The following ZFAND3 variants were observed in gnomAD, a reference collection of about 807,000 sequenced individuals.
The protein encoded by ZFAND3 is zinc finger AN1-type containing 3.
Under a neutral mutation model 29.6 loss-of-function variants are expected in ZFAND3, and 10 were observed. That is an observed-to-expected ratio of 0.34 (90% CI 0.21 to 0.57). The LOEUF is 0.57. ZFAND3 is among the 20% of genes least tolerant of loss of function. The pLI is 0.86. For missense variants in ZFAND3, 230 were observed against 304.5 expected, an observed-to-expected ratio of 0.76 and a Z score of 1.82; for synonymous variants, 128 against 112.6, an observed-to-expected ratio of 1.14 and a Z score of -0.87.
intron 2 of ZFAND3, among the ~76,000 whole-genome samples, chr6:38,050,235 G>T (rs142724753): frequency 2.6e-5 from 4 of 152,020 alleles, no homozygotes; most frequent in African/African-American, 9.6e-5. Flanking sequence ...GATTACAAGC[G>T]TGAGTCACCG....
chr6:37,963,144 T>TAAA (rs1470062235), intron 2 of ZFAND3, among the ~76,000 whole-genome samples: 1 of 151,720 alleles, frequency 6.6e-6, no homozygotes, highest in African/African-American at 2.4e-5. Context: ...CTTCATTCTT[T>TAAA]AAGTCAGCGA....
intron 2 of ZFAND3, among the ~76,000 whole-genome samples, chr6:37,973,196 A>AT (rs1201109741): frequency 1.3e-5 from 2 of 152,132 alleles, no homozygotes; most frequent in African/African-American, 4.8e-5. Context: ...CCCATAGATG[A>AT]TTGATGGTGC....
chr6:37,859,909 T>A (rs960810560), intron 1 of ZFAND3, among the ~76,000 whole-genome samples: 2 of 148,872 alleles, frequency 1.3e-5, no homozygotes, highest in African/African-American at 2.5e-5. Flanking sequence ...CTTGCTCTTG[T>A]CACCCAGGCT....
At chr6:37,855,324 T>C (rs1275482305) in intron 1 of ZFAND3, among the ~76,000 whole-genome samples, 3 of 151,314 alleles carry the variant, frequency 2.0e-5, no homozygotes, top group Non-Finnish European at 4.4e-5. Context: ...CTTTTTTTTT[T>C]TTTTTTAAGT....
chr6:37,851,366 G>A (rs1351505677), intron 1 of ZFAND3, among the ~76,000 whole-genome samples: 1 of 151,760 alleles, frequency 6.6e-6, no homozygotes, highest in African/African-American at 2.4e-5. Context: ...TGTGGCCTTT[G>A]GAAAATAGAT....
chr6:38,049,036 G>GTCAC (rs1763966813), intron 2 of ZFAND3, among the ~76,000 whole-genome samples: 4 of 152,096 alleles, frequency 2.6e-5, no homozygotes, highest in Non-Finnish European at 5.9e-5. Flanking sequence ...GAAATCACAT[G>GTCAC]CCTTTAGGTG....
chr6:37,907,053 AT>A (rs34394275), intron 1 of ZFAND3, among the ~76,000 whole-genome samples: 2 of 151,096 alleles, frequency 1.3e-5, no homozygotes, highest in East Asian at 3.9e-4. Flanking sequence ...CTTTTAATGT[AT>A]TTTTTTTTGT....
Position 38,152,388 on chromosome 6 carries a change from G to A in ZFAND3, c.683G>A (p.Ter228=). The A allele has an allele frequency of 3.2e-6, 5 of 1,580,520 alleles. No individual in the cohort carries two copies. The highest frequency in any genetic ancestry group is 2.6e-6 in the Non-Finnish European group (3 of 1,165,266). ...SCQRIGEGCS[*] ...CAGCGCATCGGGGAGGGGTGCTCCT[G>A]AAGGCCAGGCATGGCCACCACGTGA... is the stretch of plus-strand genomic sequence containing the variant. The change falls in exon 6 of 6, where the codon TGA becomes TAA. Residue 228 remains the stop codon, a stop_retained_variant. Transcript: ENST00000287218.
intron 2 of ZFAND3, among the ~76,000 whole-genome samples, chr6:38,032,179 T>C (rs1348631182): frequency 1.3e-5 from 2 of 152,190 alleles, no homozygotes; most frequent in African/African-American, 4.8e-5. Context: ...TCTATGTTAC[T>C]ATAAGAGTGC....
chr6:37,937,295 T>A (rs546554007), intron 2 of ZFAND3, among the ~76,000 whole-genome samples: 4 of 152,206 alleles, frequency 2.6e-5, no homozygotes, highest in African/African-American at 9.6e-5. Context: ...ATACAAAAAA[T>A]TTTGCAGGAT....
At chr6:37,878,010 CAGG>C (rs889684347) in intron 1 of ZFAND3, among the ~76,000 whole-genome samples, 54 of 152,256 alleles carry the variant, frequency 3.5e-4, no homozygotes, top group South Asian at 1.5e-3. Flanking sequence ...TCAGTCCAGG[CAGG>C]AGATGATGGT....
chr6:37,894,689 G>A (rs1765166415), intron 1 of ZFAND3, among the ~76,000 whole-genome samples: 4 of 152,074 alleles, frequency 2.6e-5, no homozygotes, highest in Non-Finnish European at 5.9e-5. Context: ...TTCTTGTGGT[G>A]CAGATCTGCT....
chr6:38,016,678 A>C (rs1360909028), intron 2 of ZFAND3, among the ~76,000 whole-genome samples: 1 of 152,232 alleles, frequency 6.6e-6, no homozygotes, highest in Non-Finnish European at 1.5e-5. Flanking sequence ...AAACAAGAAC[A>C]CATACATGGT....
At chr6:38,132,227 G>C (rs1765755936) in intron 5 of ZFAND3, among the ~76,000 whole-genome samples, 1 of 152,152 alleles carries the variant, frequency 6.6e-6, no homozygotes. Flanking sequence ...GATGGGTTCT[G>C]TGGGCTGGGT....
Position 38,154,336 on chromosome 6 carries a change from G to C in ZFAND3, c.*1947G>C, listed in dbSNP as rs2127500578. The C allele has an allele frequency of 1.0e-6, 1 of 984,864 alleles. No individual in the cohort carries two copies. Among genetic ancestry groups the C allele is most frequent in the South Asian group, 4.7e-5 (1 of 21,270 alleles). The allele number at this position is 984,864 out of a possible 1,614,324, so 61.0% of individuals were successfully genotyped here. A position where few individuals can be genotyped will look rare whatever the true frequency, so the allele number is the denominator to read the frequency against. On this transcript the variant is annotated 3_prime_UTR_variant, in exon 6 of 6. Transcript: ENST00000287218. Reference sequence around the variant, plus strand: ...GAAGGAGCCCAGGGGAGCTGGCCTGGGGGAGCGAAGCCCATGTTCGCTTCC... The same window carrying C: ...GAAGGAGCCCAGGGGAGCTGGCCTGCGGGAGCGAAGCCCATGTTCGCTTCC...
intron 1 of ZFAND3, among the ~76,000 whole-genome samples, chr6:37,820,389 C>T (rs984458976): frequency 4.6e-5 from 7 of 152,322 alleles, no homozygotes; most frequent in Non-Finnish European, 1.0e-4. Context: ...AGCCCTTCCT[C>T]CCTCCCGGGG....
chr6:37,839,631 C>T (rs754064210), intron 1 of ZFAND3, among the ~76,000 whole-genome samples: 1 of 151,784 alleles, frequency 6.6e-6, no homozygotes, highest in Non-Finnish European at 1.5e-5. Flanking sequence ...TCTCCTGCCT[C>T]AGCCTCCCGA....
chr6:38,144,258 C>CA (rs1445723220), intron 5 of ZFAND3, among the ~76,000 whole-genome samples: 1 of 132,992 alleles, frequency 7.5e-6, no homozygotes, highest in Non-Finnish European at 1.6e-5. Flanking sequence ...GTTGCTTGAT[C>CA]ATTTAAGGAA....
At chr6:37,853,191 C>G (rs1286995843) in intron 1 of ZFAND3, among the ~76,000 whole-genome samples, 1 of 151,890 alleles carries the variant, frequency 6.6e-6, no homozygotes. Context: ...TCATCTGATT[C>G]TGTATTTAAT....
Sources: gnomAD v4.1 joint callset for allele counts (sites outside exome capture counted in the v4.1 genomes callset) on GRCh38, gnomAD v4.1.1 for gene constraint, MANE v1.5 for transcripts, NCBI Gene and HGNC (gene_info 2026-07-23, HGNC 2026-07-21) for gene names.